The following MGLL variants were observed in gnomAD, a reference collection of about 807,000 sequenced individuals.
MGLL encodes monoglyceride lipase, also known as lysophospholipase homolog.
A neutral mutation model predicts 29.1 loss-of-function variants in MGLL; 7 were observed. The ratio of observed to expected loss-of-function variants is 0.24; its 90% CI spans 0.14 to 0.45. The LOEUF (loss-of-function observed/expected upper bound fraction) is 0.45, where lower values mean the gene tolerates loss of function less well. MGLL is among the 20% of genes least tolerant of loss of function. The probability of loss-of-function intolerance (pLI) is 0.99; values close to 1 mark genes in which losing one functional copy is unlikely to be tolerated. For missense variants in MGLL, 356 were observed against 413.6 expected (o/e 0.86, Z 1.21); for synonymous variants, 148 against 168.3 (o/e 0.88, Z 0.93).
intron 5 of MGLL, chr3:127,715,631 G>A (rs2075797838): frequency 2.2e-6 from 1 of 455,794 alleles, no homozygotes; most frequent in Non-Finnish European, 4.4e-6. Context: ...GCTAAGCAGA[G>A]GAAGTGGGTT....
At chr3:127,736,368 A>C in intron 3 of MGLL, 1 of 985,778 alleles carries the variant, frequency 1.0e-6, no homozygotes. Context: ...CAGAGCTTCC[A>C]GAAAAGGCAG....
At chr3:127,694,379 A>G (rs1414939241) in intron 7 of MGLL, among the ~76,000 whole-genome samples, 2 of 120,982 alleles carry the variant, frequency 1.7e-5, no homozygotes, top group Admixed American at 8.5e-5. Context: ...GTATGTATAT[A>G]TATGTGTGTA....
chr3:127,753,937 G>A (rs1054140513), intron 3 of MGLL, among the ~76,000 whole-genome samples: 2 of 152,236 alleles, frequency 1.3e-5, no homozygotes, highest in Non-Finnish European at 2.9e-5. Flanking sequence ...GGCACCAGGT[G>A]TAAGCCCTGT....
At position 127,691,154 on chromosome 3, in the gene MGLL, A is replaced by G. The variant is rs1177024204; in HGVS notation, c.*1044T>C. 1.3e-5 allele frequency: 2 copies of G among 152,620 alleles called. No homozygotes were observed. Among genetic ancestry groups the G allele is most frequent in the African/African-American group, 4.8e-5 (2 of 41,420 alleles). 9.5% of individuals were successfully genotyped at this position (152,620 alleles called of 1,614,324 possible). A position where few individuals can be genotyped will look rare whatever the true frequency, so the allele number is the denominator to read the frequency against. On this transcript the variant is annotated 3_prime_UTR_variant, in exon 8 of 8. Transcript: ENST00000265052. ...TAGCCCCATAGGGTGCCACTGCTCC[A>G]TGGTCCCTGGTGGGCAGGAAGAGCA...
intron 7 of MGLL, 124 bp from the exon 8 acceptor site, chr3:127,692,447 C>T: frequency 1.6e-6 from 2 of 1,235,122 alleles, no homozygotes; most frequent in Non-Finnish European, 2.3e-6. Context: ...GCCCGAGGAC[C>T]TGGCCCTGAC....
Position 127,751,754 on chromosome 3 carries a change from A to C in MGLL, c.263-29188T>G, listed in dbSNP as rs116748367. On this transcript the variant is annotated intron_variant, in intron 3 of 7. Coordinates refer to ENST00000265052, the MANE Select transcript of MGLL (RefSeq NM_007283.7). ...ATGTACCTGGGCAAAAAAAAACCCC[A>C]AAAAATAAAATAAAACTAAAAACAC... Among the ~76,000 whole-genome samples the C allele has an allele frequency of 2.4e-3, 373 of 152,248 alleles. 3 individuals are homozygous for C. The highest frequency in any genetic ancestry group is 8.2e-3 in the African/African-American group (341 of 41,550).
In MGLL at chr3:127,781,872, C is replaced by T; in HGVS notation, c.179G>A (p.Gly60Glu). The change falls in exon 3 of 8, where the codon GGA becomes GAA. Residue 60 changes from glycine to glutamate, a missense_variant. Coordinates refer to ENST00000265052, the MANE Select transcript of MGLL (RefSeq NM_007283.7). Reference protein sequence around the residue: ...TPKALIFVSHGAGEHSGRYEE... With the variant: ...TPKALIFVSHEAGEHSGRYEE... The stretch of plus-strand genomic sequence containing the variant: ...ATAGCGGCCACTGTGCTCTCCGGCT[C>T]CATGGGACACAAAGATGAGGGCCCT... 6.2e-7 allele frequency: 1 copy of T among 1,614,016 alleles called. No homozygotes were observed. The highest frequency in any genetic ancestry group is 8.5e-7 in the Non-Finnish European group (1 of 1,179,988).
chr3:127,726,119 GGAAAGAAAGAAA>G (rs869029966), intron 3 of MGLL, among the ~76,000 whole-genome samples: 409 of 75,144 alleles, frequency 5.4e-3, no homozygotes, highest in Non-Finnish European at 6.7e-3. Flanking sequence ...AAAGAAAGCA[GGAAAGAAAGAAA>G]GAAAGAAAGA....
At position 127,691,743 on chromosome 3, in the gene MGLL, C is replaced by T. The variant is rs2075248195; in HGVS notation, c.*455G>A. The stretch of plus-strand genomic sequence containing the variant: ...GCCCCTATGGAGACAGCAACCACCT[C>T]ATCACACGGCCAGAGGAAGGCCACC... On this transcript the variant is annotated 3_prime_UTR_variant, in exon 8 of 8. Transcript: ENST00000265052. 9.1e-6 allele frequency: 2 copies of T among 218,670 alleles called. No homozygotes were observed. Among genetic ancestry groups the T allele is most frequent in the Non-Finnish European group, 1.9e-5 (2 of 108,088 alleles). 13.5% of individuals were successfully genotyped at this position (218,670 alleles called of 1,614,324 possible).
rs76012745 is a variant in MGLL, at chr3:127,804,449, G to T, written c.155+17245C>A. 2.6e-5 allele frequency among the ~76,000 whole-genome samples: 4 copies of T among 152,342 alleles called. No homozygotes were observed. The East Asian group carries it at 7.7e-4, about 29-fold the overall frequency. ...TCCCTGAGTAGGACTCCCCACTCCTGCCATGGCCACCTACAGGGGAATGAG... is the reference window on the plus strand; with the variant it reads ...TCCCTGAGTAGGACTCCCCACTCCTTCCATGGCCACCTACAGGGGAATGAG... On this transcript the variant is annotated intron_variant, in intron 2 of 7. Coordinates refer to ENST00000265052, the MANE Select transcript of MGLL (RefSeq NM_007283.7).
chr3:127,774,494 G>C (rs2107699263), intron 3 of MGLL, among the ~76,000 whole-genome samples: 1 of 152,244 alleles, frequency 6.6e-6, no homozygotes, highest in Admixed American at 6.5e-5. Flanking sequence ...AAAGAATGAA[G>C]GAAGAAGAGT....
chr3:127,726,185 A>AGAG (rs1553758443), intron 3 of MGLL, among the ~76,000 whole-genome samples: 1 of 66,502 alleles, frequency 1.5e-5, no homozygotes, highest in Non-Finnish European at 3.2e-5. Flanking sequence ...AGAAAGAAAG[A>AGAG]AAAGAAAAGA....
intron 3 of MGLL, among the ~76,000 whole-genome samples, chr3:127,770,621 G>A (rs1468773625): frequency 1.3e-5 from 2 of 152,184 alleles, no homozygotes; most frequent in Non-Finnish European, 1.5e-5. Context: ...GTGAGGGCCA[G>A]GTGCAGCTGC....
intron 3 of MGLL, chr3:127,736,005 G>C: frequency 1.4e-6 from 2 of 1,415,196 alleles, no homozygotes; most frequent in Non-Finnish European, 1.8e-6. Context: ...AAAGCTCCCA[G>C]GTTTAACATG....
intron 3 of MGLL, among the ~76,000 whole-genome samples, chr3:127,740,902 A>G (rs1188602554): frequency 1.3e-5 from 2 of 152,142 alleles, no homozygotes; most frequent in Non-Finnish European, 2.9e-5. Flanking sequence ...GGGGAGTAGA[A>G]CGCCCCCAAA....
chr3:127,788,633 T>C (rs1371570828), intron 2 of MGLL, among the ~76,000 whole-genome samples: 2 of 152,258 alleles, frequency 1.3e-5, no homozygotes, highest in South Asian at 2.1e-4. Context: ...TATGACCCCA[T>C]GATTGGGCAG....
intron 3 of MGLL, among the ~76,000 whole-genome samples, chr3:127,763,272 G>A (rs1413989285): frequency 2.0e-5 from 3 of 152,182 alleles, no homozygotes; most frequent in Non-Finnish European, 4.4e-5. Flanking sequence ...TCTCCAAGAT[G>A]GATTTGAAGA....
chr3:127,751,271 G>A (rs2076553253), intron 3 of MGLL, among the ~76,000 whole-genome samples: 2 of 152,032 alleles, frequency 1.3e-5, no homozygotes, highest in Non-Finnish European at 2.9e-5. Flanking sequence ...ATGCCGCTCT[G>A]CAAAGTGCCC....
intron 2 of MGLL, among the ~76,000 whole-genome samples, chr3:127,782,839 T>G (rs939681617): frequency 2.0e-5 from 3 of 152,086 alleles, no homozygotes; most frequent in Non-Finnish European, 2.9e-5. Flanking sequence ...GATTTCTAAC[T>G]CTCCAGTCAT....
Sources: allele counts gnomAD v4.1 joint callset (sites outside exome capture counted in the v4.1 genomes callset), GRCh38; gene constraint gnomAD v4.1.1; transcripts MANE v1.5; gene names NCBI Gene and HGNC (gene_info 2026-07-23, HGNC 2026-07-21).